KPNA3: variants seen among roughly 807,000 people sequenced by gnomAD.
KPNA3 encodes karyopherin subunit alpha 3.
A neutral mutation model predicts 73.8 loss-of-function variants in KPNA3; 13 were observed. The observed-to-expected ratio is 0.18, with a 90% CI of 0.11 to 0.28. The LOEUF (loss-of-function observed/expected upper bound fraction) is 0.28. Ranked by LOEUF, KPNA3 falls within the 10% of genes least tolerant of loss-of-function variation. The probability of loss-of-function intolerance (pLI) is 1.00; values close to 1 mark genes in which losing one functional copy is unlikely to be tolerated. For synonymous variants in KPNA3, 186 were observed against 206.9 expected, an observed-to-expected ratio of 0.90 and a Z score of 0.87; for missense variants, 360 against 618.1, an observed-to-expected ratio of 0.58 and a Z score of 4.43.
In KPNA3 at chr13:49,701,554, T is replaced by C. The variant is rs1342595589; in HGVS notation, c.*246A>G. 7 of 590,112 alleles carry C rather than the reference T, an allele frequency of 1.2e-5. No individual in the cohort carries two copies. In the East Asian group the frequency reaches 2.8e-4, roughly 23 times the overall value. The allele number at this position is 590,112 out of a possible 1,614,324, so 36.6% of individuals were successfully genotyped here. ...TGTGGCACCAGGGAACAGGGAAAAA[T>C]AGGGTAGTTGAGATTGTTAAGGAGA... On this transcript the variant is annotated 3_prime_UTR_variant, in exon 17 of 17. Coordinates refer to ENST00000261667, the MANE Select transcript of KPNA3 (RefSeq NM_002267.4).
At chr13:49,750,239 G>A (rs146775354) in intron 1 of KPNA3, among the ~76,000 whole-genome samples, 8 of 152,256 alleles carry the variant, frequency 5.3e-5, no homozygotes, top group African/African-American at 1.9e-4. Flanking sequence ...GTCCCAACAG[G>A]AATGGTTTTT....
intron 11 of KPNA3, among the ~76,000 whole-genome samples, chr13:49,710,465 G>A (rs1293813235): frequency 6.6e-6 from 1 of 152,180 alleles, no homozygotes; most frequent in Non-Finnish European, 1.5e-5. Context: ...GTTCTAGATA[G>A]ATAAGGAGAG....
intron 1 of KPNA3, among the ~76,000 whole-genome samples, chr13:49,755,957 T>A (rs904794648): frequency 6.6e-6 from 1 of 151,788 alleles, no homozygotes; most frequent in Non-Finnish European, 1.5e-5. Context: ...AATGAACACA[T>A]AGACACTGAA....
At chr13:49,714,545 A>T (rs1954288062) in intron 10 of KPNA3, among the ~76,000 whole-genome samples, 1 of 152,156 alleles carries the variant, frequency 6.6e-6, no homozygotes, top group Non-Finnish European at 1.5e-5. Flanking sequence ...TATCAAAAAT[A>T]AAGAAAATTA....
chr13:49,765,204 T>A (rs1490562500), intron 1 of KPNA3, among the ~76,000 whole-genome samples: 11 of 152,236 alleles, frequency 7.2e-5, no homozygotes, highest in Non-Finnish European at 8.8e-5. Context: ...GAATTCTGAA[T>A]TGGGCAGTAA....
intron 12 of KPNA3, among the ~76,000 whole-genome samples, chr13:49,708,188 G>T (rs190419370): frequency 1.1e-3 from 170 of 151,928 alleles, no homozygotes; most frequent in African/African-American, 4.0e-3. Flanking sequence ...GTAGAGACGG[G>T]GTTTCACTGT....
intron 2 of KPNA3, among the ~76,000 whole-genome samples, chr13:49,744,288 G>T (rs1291026041): frequency 1.3e-5 from 2 of 152,176 alleles, no homozygotes; most frequent in Non-Finnish European, 2.9e-5. Flanking sequence ...CTAAGGCTTA[G>T]CTCATTTCTC....
chr13:49,706,613 T>C (rs1355418477), intron 12 of KPNA3, among the ~76,000 whole-genome samples: 1 of 152,180 alleles, frequency 6.6e-6, no homozygotes, highest in Non-Finnish European at 1.5e-5. Context: ...AGGCCTACTA[T>C]AAGCTAGGCA....
chr13:49,762,271 G>A lies in KPNA3; in HGVS notation c.70-15278C>T, dbSNP rs563257865. Among the ~76,000 whole-genome samples, 234 of 148,386 alleles carry A rather than the reference G, an allele frequency of 1.6e-3. 1 individual carries two copies. Among genetic ancestry groups the A allele is most frequent in the African/African-American group, 5.3e-3 (212 of 40,238 alleles). ...GGGGGGGCGCCTCCGCCCGGCCATC[G>A]CCCCGTCCGGGAGGTGGGGGGTGCC... On this transcript the variant is annotated intron_variant, in intron 1 of 16. Coordinates refer to ENST00000261667, the MANE Select transcript of KPNA3 (RefSeq NM_002267.4).
chr13:49,778,802 C>T (rs1954918264), intron 1 of KPNA3, among the ~76,000 whole-genome samples: 9 of 152,024 alleles, frequency 5.9e-5, no homozygotes, highest in Admixed American at 5.9e-4. Context: ...GAGATGAGGT[C>T]TCACTGTATT....
At position 49,701,644 on chromosome 13, in the gene KPNA3, A is replaced by C. The variant is rs1388201557; in HGVS notation, c.*156T>G. 19 of 763,206 alleles carry C rather than the reference A, an allele frequency of 2.5e-5. No individual in the cohort carries two copies. In the East Asian group the frequency reaches 4.7e-4, roughly 19 times the overall value. The allele number at this position is 763,206 out of a possible 1,614,324, so 47.3% of individuals were successfully genotyped here. Reference sequence around the variant, plus strand: ...AGTCCATGTGATAGTGACTTTTGGCAACTGCAAAGTGACTGAGACATGGCT... The same window carrying C: ...AGTCCATGTGATAGTGACTTTTGGCCACTGCAAAGTGACTGAGACATGGCT... On this transcript the variant is annotated 3_prime_UTR_variant, in exon 17 of 17. Transcript: ENST00000261667.
intron 2 of KPNA3, among the ~76,000 whole-genome samples, chr13:49,745,240 A>T (rs1314055703): frequency 5.3e-5 from 8 of 152,210 alleles, no homozygotes; most frequent in South Asian, 2.1e-4. Flanking sequence ...CAAAGTGTGT[A>T]TTTAAAATAA....
intron 1 of KPNA3, among the ~76,000 whole-genome samples, chr13:49,762,725 T>C (rs1234428791): frequency 6.6e-6 from 1 of 151,848 alleles, no homozygotes; most frequent in Admixed American, 6.6e-5. Flanking sequence ...ACACAAACAC[T>C]GCGGTAGGCC....
chr13:49,750,829 T>C (rs1566350193), intron 1 of KPNA3, among the ~76,000 whole-genome samples: 1 of 151,966 alleles, frequency 6.6e-6, no homozygotes, highest in Non-Finnish European at 1.5e-5. Flanking sequence ...CCATCTCTAC[T>C]AAAAATATCA....
chr13:49,762,530 T>C (rs1434747609), intron 1 of KPNA3, among the ~76,000 whole-genome samples: 1 of 152,218 alleles, frequency 6.6e-6, no homozygotes, highest in East Asian at 1.9e-4. Flanking sequence ...AGAAAGATTC[T>C]TCTGCCTTGG....
Position 49,792,599 on chromosome 13 carries a change from G to T in KPNA3, c.-93C>A. 3.4e-6 allele frequency: 1 copy of T among 293,704 alleles called. No individual in the cohort carries two copies. Among genetic ancestry groups the T allele is most frequent in the Non-Finnish European group, 5.5e-6 (1 of 181,504 alleles). 18.2% of individuals were successfully genotyped at this position (293,704 alleles called of 1,614,324 possible). ...GGGAGGGGGAGGAGGGGGAGAGCGG[G>T]AGGGGGGAGGGGAGAGAAGAGCACG... On this transcript the variant is annotated 5_prime_UTR_variant, in exon 1 of 17. Transcript: ENST00000261667.
intron 15 of KPNA3, among the ~76,000 whole-genome samples, chr13:49,703,414 T>C (rs1483601983): frequency 6.6e-6 from 1 of 151,736 alleles, no homozygotes; most frequent in Non-Finnish European, 1.5e-5. Context: ...ACTCCTGACC[T>C]CGTGATTCGC....
At position 49,732,961 on chromosome 13, in the gene KPNA3, T is replaced by C. The variant is rs1349712682; in HGVS notation, c.200A>G (p.Lys67Arg). The C allele has an allele frequency of 6.3e-7, 1 of 1,595,742 alleles. No homozygotes were observed. Among genetic ancestry groups the C allele is most frequent in the Admixed American group, 1.7e-5 (1 of 59,326 alleles). Residue 67 changes from lysine to arginine, a missense_variant, in exon 3 of 17, where the codon AAA (lysine) becomes AGA (arginine). Physicochemically the swap from Lys to Arg is conservative, Grantham distance 26. Around this residue, in one of 3 missense-constraint regions of KPNA3, gnomAD observed 287 missense variants for 549.1 expected, o/e 0.52. Coordinates refer to ENST00000261667, the MANE Select transcript of KPNA3 (RefSeq NM_002267.4). ...TATTAAAACATGGTAACTTACTGCT[T>C]TAAAATCAGCATCAACATCTGAATC... ...LEDSDVDADFKAQNVTLEAIL... is the reference protein window; with the variant it reads ...LEDSDVDADFRAQNVTLEAIL...
chr13:49,735,417 C>T (rs751371617), intron 2 of KPNA3, among the ~76,000 whole-genome samples: 4 of 152,080 alleles, frequency 2.6e-5, no homozygotes, highest in Admixed American at 2.0e-4. Flanking sequence ...CCACCGCGCC[C>T]GCCCCATACT....
Sources: allele counts gnomAD v4.1 joint callset (sites outside exome capture counted in the v4.1 genomes callset), GRCh38; gene constraint gnomAD v4.1.1; regional missense constraint gnomAD v4.1.1; transcripts MANE v1.5; gene names NCBI Gene and HGNC (gene_info 2026-07-23, HGNC 2026-07-21).